Variants in RIPPLY2 observed in about 807,000 individuals in gnomAD.
RIPPLY2 encodes the protein protein ripply2.
In RIPPLY2, 20 loss-of-function variants were observed where a neutral mutation model predicts 17.7. That is an observed-to-expected ratio of 1.13 (90% CI 0.79 to 1.64). RIPPLY2 has a LOEUF of 1.64. Ranked by LOEUF, RIPPLY2 falls within the 40% of genes most tolerant of loss-of-function variation. The pLI is 0.00. For missense variants in RIPPLY2, 213 were observed against 169.8 expected, an observed-to-expected ratio of 1.25 and a Z score of -1.41; for synonymous variants, 69 against 63.9, an observed-to-expected ratio of 1.08 and a Z score of -0.38.
In RIPPLY2 at chr6:83,853,439, AG is replaced by A. The variant is rs1192788775; in HGVS notation, c.26del (p.Gly9ValfsTer57). 6.5e-7 allele frequency: 1 copy of A among 1,543,750 alleles called. No individual in the cohort carries two copies. The highest frequency in any genetic ancestry group is 8.7e-7 in the Non-Finnish European group (1 of 1,146,440). On this transcript the variant is annotated frameshift_variant, in exon 1 of 4. Transcript: ENST00000369689. LOFTEE classifies it high-confidence loss of function. MENAGGA[E>X]GTESGAAACA... is the part of the protein sequence containing the mutation. Reference sequence around the variant, plus strand: ...GTCATGGAGAACGCGGGAGGCGCAGAGGGTACAGAGAGTGGAGCTGCGGCGT... The same window carrying A: ...GTCATGGAGAACGCGGGAGGCGCAGAGGTACAGAGAGTGGAGCTGCGGCGT...
chr6:83,854,789 G>A (rs1166837573), intron 3 of RIPPLY2: 2 of 152,798 alleles, frequency 1.3e-5, no homozygotes, highest in Admixed American at 1.3e-4. Context: ...GCTGTTAAAT[G>A]AAGAGCTGGA....
At chr6:83,853,543 A>G in intron 1 of RIPPLY2, 32 bp downstream of exon 1, 1 of 1,536,020 alleles carries the variant, frequency 6.5e-7, no homozygotes. Context: ...TGCGCCTCCC[A>G]GCTTCCCCCG....
At chr6:83,853,569 C>T (rs955399788) in intron 1 of RIPPLY2, 58 bp downstream of exon 1, 1 of 1,533,368 alleles carries the variant, frequency 6.5e-7, no homozygotes, top group Non-Finnish European at 8.7e-7. Flanking sequence ...CCCTCCTGCG[C>T]CTCCCCAGCT....
At chr6:83,854,506 G>A in intron 3 of RIPPLY2, 1 of 311,162 alleles carries the variant, frequency 3.2e-6, no homozygotes, top group African/African-American at 2.1e-5. Flanking sequence ...TTCGCATCAG[G>A]CAGAGTGTGT....
At position 83,853,770 on chromosome 6, in the gene RIPPLY2, G is replaced by A. The variant is rs1227487632; in HGVS notation, c.171G>A (p.Glu57=). The A allele has an allele frequency of 6.2e-7, 1 of 1,612,180 alleles. No homozygotes were observed. Among genetic ancestry groups the A allele is most frequent in the Non-Finnish European group, 8.5e-7 (1 of 1,179,600 alleles). Residue 57 remains glutamate (E), a synonymous_variant, in exon 2 of 4, where the codon GAG becomes GAA. Coordinates refer to ENST00000369689, the MANE Select transcript of RIPPLY2 (RefSeq NM_001009994.3). ...KEEETPNHAA[E]AMPDGPGMTA... ...AGGAGACGCCGAACCACGCCGCGGA[G>A]GCGGTGAGTGAGCCACGCGTCTCAG...
At position 83,857,466 on chromosome 6, in the gene RIPPLY2, A is replaced by T; in HGVS notation, c.*77A>T. On this transcript the variant is annotated 3_prime_UTR_variant, in exon 4 of 4. Coordinates refer to ENST00000369689, the MANE Select transcript of RIPPLY2 (RefSeq NM_001009994.3). ...TGTACAAATGTATCATAATTATTTT[A>T]AACTAATTTATTTGTATATAAATTA... 1 of 868,546 alleles carries T rather than the reference A, an allele frequency of 1.2e-6. No homozygotes were observed. The highest frequency in any genetic ancestry group is 1.6e-6 in the Non-Finnish European group (1 of 617,802). The allele number at this position is 868,546 out of a possible 1,614,324, so 53.8% of individuals were successfully genotyped here.
rs556331718 is a variant in RIPPLY2, at chr6:83,854,177, C to G, written c.239+16C>G. 1 of 1,609,762 alleles carries G rather than the reference C, an allele frequency of 6.2e-7. No homozygotes were observed. The highest frequency in any genetic ancestry group is 1.3e-5 in the African/African-American group (1 of 74,956). ...ACCCAGTCAGGTGAGTGACAGGCCT[C>G]GCCGAAGGTCTCCCGCTCCTCCAGC... On this transcript the variant is annotated intron_variant, in intron 3 of 3. Coordinates refer to ENST00000369689, the MANE Select transcript of RIPPLY2 (RefSeq NM_001009994.3).
intron 3 of RIPPLY2, chr6:83,856,220 T>G (rs184583496): frequency 6.6e-6 from 1 of 152,360 alleles, no homozygotes; most frequent in African/African-American, 2.4e-5. Flanking sequence ...CTAAAATATT[T>G]ATTGAACGAC....
At position 83,853,369 on chromosome 6, in the gene RIPPLY2, A is replaced by G. The variant is rs1256049238; in HGVS notation, c.-48A>G. 9 of 1,495,814 alleles carry G rather than the reference A, an allele frequency of 6.0e-6. No individual in the cohort carries two copies. In the Admixed American group the frequency reaches 1.0e-4, roughly 17 times the overall value. The allele number at this position is 1,495,814 out of a possible 1,614,324, so 92.7% of individuals were successfully genotyped here. A position where few individuals can be genotyped will look rare whatever the true frequency, so the allele number is the denominator to read the frequency against. ...GTCTCGGACCTACTGGAACTGGTCA[A>G]GATTGCCCGCGAGCTGGCAGCGGCC... On this transcript the variant is annotated 5_prime_UTR_variant, in exon 1 of 4. Coordinates refer to ENST00000369689, the MANE Select transcript of RIPPLY2 (RefSeq NM_001009994.3).
At chr6:83,853,301 C>A, upstream of RIPPLY2, 3 of 763,002 alleles carry the variant, frequency 3.9e-6, no homozygotes, top group Non-Finnish European at 2.0e-6. Flanking sequence ...AGGCAGCGAA[C>A]CTCTCAATGT....
At position 83,857,363 on chromosome 6, in the gene RIPPLY2, A is replaced by G; in HGVS notation, c.361A>G (p.Ile121Val). ...TGAAGATTCTGATAGCGAAGATGAAATTGAGGATCTGACCTGTGAAAATTA... is the reference window on the plus strand; with the variant it reads ...TGAAGATTCTGATAGCGAAGATGAAGTTGAGGATCTGACCTGTGAAAATTA... ...FYEDSDSEDE[I>V]EDLTCEN The change falls in exon 4 of 4, where the codon ATT (isoleucine) becomes GTT (valine). Residue 121 changes from isoleucine (I) to valine (V), a missense_variant. Coordinates refer to ENST00000369689, the MANE Select transcript of RIPPLY2 (RefSeq NM_001009994.3). 1 of 1,584,902 alleles carries G rather than the reference A, an allele frequency of 6.3e-7. No homozygotes were observed. The highest frequency in any genetic ancestry group is 1.2e-5 in the South Asian group (1 of 84,262).
chr6:83,853,586 CT>C, intron 1 of RIPPLY2, 75 bp downstream of exon 1: 2 of 1,537,254 alleles, frequency 1.3e-6, no homozygotes, highest in Non-Finnish European at 1.7e-6. Context: ...AGCTCCTCCC[CT>C]CCAACTCTCC....
At chr6:83,853,597 C>T in intron 1 of RIPPLY2, 86 bp downstream of exon 1, 1 of 1,544,890 alleles carries the variant, frequency 6.5e-7, no homozygotes, top group Non-Finnish European at 8.7e-7. Context: ...TCCAACTCTC[C>T]ATCCCCCACT....
intron 3 of RIPPLY2, chr6:83,856,206 A>T (rs775559010): frequency 6.6e-6 from 1 of 152,208 alleles, no homozygotes; most frequent in African/African-American, 2.4e-5. Context: ...GGCACAAGGG[A>T]TCACTAAAAT....
Position 83,853,391 on chromosome 6 carries a change from G to A in RIPPLY2, c.-26G>A, listed in dbSNP as rs1048394797. The A allele has an allele frequency of 2.0e-6, 3 of 1,533,894 alleles. No individual in the cohort carries two copies. The highest frequency in any genetic ancestry group is 2.0e-4 in the Middle Eastern group (1 of 5,026). Reference sequence around the variant, plus strand: ...TCAAGATTGCCCGCGAGCTGGCAGCGGCCTTCCGCCCAGCTCTGCGGCGTC... The same window carrying A: ...TCAAGATTGCCCGCGAGCTGGCAGCAGCCTTCCGCCCAGCTCTGCGGCGTC... On this transcript the variant is annotated 5_prime_UTR_variant, in exon 1 of 4. Coordinates refer to ENST00000369689, the MANE Select transcript of RIPPLY2 (RefSeq NM_001009994.3).
upstream of RIPPLY2, chr6:83,853,350 G>C (rs911356100): frequency 2.2e-6 from 3 of 1,346,126 alleles, no homozygotes; most frequent in Non-Finnish European, 3.0e-6. Context: ...TCGGGTCTCG[G>C]ACCTACTGGA....
chr6:83,856,387 T>C (rs968402767), intron 3 of RIPPLY2: 10 of 152,350 alleles, frequency 6.6e-5, no homozygotes, highest in African/African-American at 1.9e-4. Context: ...GATGACTCCA[T>C]TGTATGGATA....
At chr6:83,856,191 A>T in intron 3 of RIPPLY2, 1 of 152,320 alleles carries the variant, frequency 6.6e-6, no homozygotes, top group East Asian at 1.9e-4. Flanking sequence ...ATTGTGAATT[A>T]TGTTGGCACA....
At chr6:83,853,949 G>A in intron 2 of RIPPLY2, 148 bp from the exon 3 acceptor site, 1 of 1,003,194 alleles carries the variant, frequency 1.0e-6, no homozygotes, top group Non-Finnish European at 1.5e-6. Context: ...CCTCTGGAGC[G>A]ATGGGCCACA....
Sources: allele counts gnomAD v4.1 joint callset, GRCh38; gene constraint gnomAD v4.1.1; transcripts MANE v1.5; gene names NCBI Gene and HGNC (gene_info 2026-07-23, HGNC 2026-07-21).